The following DMTN variants were observed in gnomAD, a reference collection of about 807,000 sequenced individuals.
DMTN encodes dematin.
DMTN carries 27 observed loss-of-function variants against 59.4 expected under a neutral mutation model. That is an observed-to-expected ratio of 0.45 (90% CI 0.33 to 0.63). The LOEUF (loss-of-function observed/expected upper bound fraction) is 0.63. DMTN is among the 20% of genes least tolerant of loss of function. The pLI, the probability that DMTN is intolerant of heterozygous loss-of-function variation, is 0.02. For missense variants in DMTN, 451 were observed against 528.9 expected (o/e 0.85, Z 1.45); for synonymous variants, 221 against 203.7 (o/e 1.08, Z -0.72).
upstream of DMTN, among the ~76,000 whole-genome samples, chr8:22,053,360 T>A (rs1329734675): frequency 6.6e-6 from 1 of 152,162 alleles, no homozygotes; most frequent in South Asian, 2.1e-4. Flanking sequence ...CAGGGGCACA[T>A]GGCTCCCAAT....
intron 1 of DMTN, among the ~76,000 whole-genome samples, chr8:22,062,392 A>AACAAAG (rs535578335): frequency 2.0e-3 from 302 of 152,220 alleles, no homozygotes; most frequent in African/African-American, 7.0e-3. Context: ...GCCACTGCCC[A>AACAAAG]GCTCATCTTT....
chr8:22,069,174 CG>C, intron 5 of DMTN, 114 bp downstream of exon 5: 1 of 1,268,620 alleles, frequency 7.9e-7, no homozygotes, highest in South Asian at 1.4e-5. Context: ...CCCGAATCAG[CG>C]GCCCCCTGGC....
chr8:22,075,724 G>A (rs1819297367), intron 10 of DMTN, among the ~76,000 whole-genome samples: 1 of 151,998 alleles, frequency 6.6e-6, no homozygotes, highest in Non-Finnish European at 1.5e-5. Flanking sequence ...TCGCCATGTT[G>A]GCCAGGCTGC....
At chr8:22,080,912 G>C (rs773085566) in intron 14 of DMTN, 42 bp downstream of exon 14, 1 of 1,533,318 alleles carries the variant, frequency 6.5e-7, no homozygotes, top group Non-Finnish European at 8.8e-7. Flanking sequence ...GGGGCGGGAG[G>C]CTGGGGAGAT....
intron 4 of DMTN, 73 bp from the exon 5 acceptor site, chr8:22,068,943 G>A: frequency 6.5e-7 from 1 of 1,529,948 alleles, no homozygotes; most frequent in Non-Finnish European, 9.1e-7. Flanking sequence ...GGGATGAGGT[G>A]GCCTCTCTGG....
At chr8:22,052,470 G>C (rs1801450105), upstream of DMTN, among the ~76,000 whole-genome samples, 1 of 152,096 alleles carries the variant, frequency 6.6e-6, no homozygotes, top group African/African-American at 2.4e-5. Flanking sequence ...GGTGGGGCGG[G>C]GGCTTAAGCA....
chr8:22,081,075 T>G (rs1179450961), intron 14 of DMTN, 38 bp from the exon 15 acceptor site: 1 of 1,583,554 alleles, frequency 6.3e-7, no homozygotes, highest in East Asian at 2.2e-5. Context: ...GGACAGGATA[T>G]TCTGTGAGCC....
At chr8:22,077,116 G>C (rs754680830) in intron 10 of DMTN, among the ~76,000 whole-genome samples, 9 of 152,128 alleles carry the variant, frequency 5.9e-5, no homozygotes, top group Non-Finnish European at 1.2e-4. Flanking sequence ...AGGTGCTGAG[G>C]GGCCAGGCTG....
At chr8:22,072,783 G>A (rs1228319571) in intron 9 of DMTN, among the ~76,000 whole-genome samples, 1 of 152,022 alleles carries the variant, frequency 6.6e-6, no homozygotes, top group Non-Finnish European at 1.5e-5. Context: ...CCCACCCTGT[G>A]TGTCTTTCTG....
intron 7 of DMTN, 113 bp from the exon 8 acceptor site, chr8:22,070,069 C>T (rs779176601): frequency 2.1e-5 from 32 of 1,547,770 alleles, no homozygotes; most frequent in South Asian, 2.4e-5. Flanking sequence ...CCGTGCTCAG[C>T]GTGTACACTG....
At position 22,056,816 on chromosome 8, in the gene DMTN, A is replaced by G. The variant is rs1378284872; in HGVS notation, c.-492A>G. Reference sequence around the variant, plus strand: ...AGCCCGCCCGCCCTCCCGCCCCCAGACGAGGACTCCCCAGCACCGGGGGAT... The same window carrying G: ...AGCCCGCCCGCCCTCCCGCCCCCAGGCGAGGACTCCCCAGCACCGGGGGAT... On this transcript the variant is annotated 5_prime_UTR_variant, in exon 1 of 16. Coordinates refer to ENST00000358242, the MANE Select transcript of DMTN (RefSeq NM_001387751.1). 7.6e-6 allele frequency: 1 copy of G among 132,202 alleles called. No homozygotes were observed. The highest frequency in any genetic ancestry group is 1.6e-5 in the Non-Finnish European group (1 of 61,540). 8.2% of individuals were successfully genotyped at this position (132,202 alleles called of 1,614,324 possible).
intron 6 of DMTN, 110 bp downstream of exon 6, chr8:22,069,628 C>A: frequency 1.0e-6 from 1 of 988,056 alleles, no homozygotes; most frequent in African/African-American, 1.6e-5. Flanking sequence ...CGCCTCAGGG[C>A]TAAGTAGGCC....
chr8:22,067,690 G>C lies in DMTN; in HGVS notation c.249+8G>C. The C allele has an allele frequency of 6.2e-7, 1 of 1,613,262 alleles. No homozygotes were observed. Among genetic ancestry groups the C allele is most frequent in the South Asian group, 1.1e-5 (1 of 91,080 alleles). ...CTGCCTCGCAGCCGCGAGGTGAGGG[G>C]GCTCCTCTTGGGCAGGACTCCGGGG... On this transcript the variant is annotated splice_region_variant and intron_variant, in intron 4 of 15. Transcript: ENST00000358242.
intron 14 of DMTN, 43 bp from the exon 15 acceptor site, chr8:22,081,070 G>A (rs371013999): frequency 1.9e-5 from 30 of 1,588,706 alleles, no homozygotes; most frequent in Non-Finnish European, 2.5e-5. Flanking sequence ...TCGAAGGACA[G>A]GATATTCTGT....
rs778199246 is a variant in DMTN, at chr8:22,080,797, C to A, written c.958-8C>A. 1.2e-6 allele frequency: 2 copies of A among 1,606,512 alleles called. No homozygotes were observed. Among genetic ancestry groups the A allele is most frequent in the Non-Finnish European group, 1.7e-6 (2 of 1,176,006 alleles). On this transcript the variant is annotated splice_polypyrimidine_tract_variant and splice_region_variant and intron_variant, in intron 13 of 15. Transcript: ENST00000358242. ...CGCTCTGGCTCACTGCGGCTTTGGT[C>A]TCCCCAGAACGGAGAGGGCCAGAGG...
intron 1 of DMTN, among the ~76,000 whole-genome samples, chr8:22,062,566 A>T (rs1807374603): frequency 6.6e-6 from 1 of 152,076 alleles, no homozygotes; most frequent in Non-Finnish European, 1.5e-5. Context: ...CAAACACATT[A>T]AAGGCCTTAG....
At chr8:22,076,026 G>A (rs1349699960) in intron 10 of DMTN, among the ~76,000 whole-genome samples, 1 of 152,210 alleles carries the variant, frequency 6.6e-6, no homozygotes, top group Non-Finnish European at 1.5e-5. Flanking sequence ...GAATCCAGTG[G>A]CTGATTGGAC....
rs113145439 is a variant in DMTN at position 22,067,122 on chromosome 8, G to A, written c.56G>A (p.Arg19Gln). The A allele has an allele frequency of 0.013, 19,955 of 1,503,062 alleles. 163 individuals are homozygous for A. The highest frequency in any genetic ancestry group is 0.014 in the Non-Finnish European group (15,338 of 1,113,562). 93.1% of individuals were successfully genotyped at this position (1,503,062 alleles called of 1,614,324 possible). A position where few individuals can be genotyped will look rare whatever the true frequency, so the allele number is the denominator to read the frequency against. The change falls in exon 3 of 16, where the codon CGA (arginine) becomes CAA (glutamine). Residue 19 changes from arginine (R) to glutamine (Q), a missense_variant. Coordinates refer to ENST00000358242, the MANE Select transcript of DMTN (RefSeq NM_001387751.1). Reference sequence around the variant, plus strand: ...TCCCCCGGGAGCGTGAGCCCCTCCCGAGATTCCAGTGTGCCTGGCTCTCCC... The same window carrying A: ...TCCCCCGGGAGCGTGAGCCCCTCCCAAGATTCCAGTGTGCCTGGCTCTCCC... ...LTSPGSVSPS[R>Q]DSSVPGSPSS...
In DMTN at chr8:22,058,554, C is replaced by T. The variant is rs1293496779; in HGVS notation, c.-172+1418C>T. 1.3e-5 allele frequency among the ~76,000 whole-genome samples: 2 copies of T among 152,144 alleles called. No individual in the cohort carries two copies. The highest frequency in any genetic ancestry group is 4.8e-5 in the African/African-American group (2 of 41,428). ...GGAGAAGATGGCTGCACAGATGCGTCTCTGGGTGGGCTAGAGAGGCAGGAG... is the reference window on the plus strand; with the variant it reads ...GGAGAAGATGGCTGCACAGATGCGTTTCTGGGTGGGCTAGAGAGGCAGGAG... On this transcript the variant is annotated intron_variant, in intron 1 of 15. Transcript: ENST00000358242. This position sits in a 1 kb window ranked among gnomAD's most constrained non-coding sequence, Gnocchi z 4.3.
Sources: gnomAD v4.1 joint callset for allele counts (sites outside exome capture counted in the v4.1 genomes callset) on GRCh38, gnomAD v4.1.1 for gene constraint, Gnocchi (gnomAD v3.1) non-coding constraint, MANE v1.5 for transcripts, NCBI Gene and HGNC (gene_info 2026-07-23, HGNC 2026-07-21) for gene names.